Variants in EML4 observed in about 807,000 individuals in gnomAD.
The protein encoded by EML4 is echinoderm microtubule-associated protein-like 4.
Under a neutral mutation model 129.0 loss-of-function variants are expected in EML4, and 72 were observed. The ratio of observed to expected loss-of-function variants is 0.56; its 90% CI spans 0.46 to 0.68. The LOEUF (loss-of-function observed/expected upper bound fraction) is 0.68. Among genes scored for constraint, EML4 ranks in the 30% least tolerant of loss-of-function variants. EML4 has a pLI of 0.00. For synonymous variants in EML4, 532 were observed against 405.0 expected, an observed-to-expected ratio of 1.31 and a Z score of -3.77; for missense variants, 1,363 against 1,190.6, an observed-to-expected ratio of 1.14 and a Z score of -2.13.
chr2:42,241,670 G>A (rs1217726345), intron 1 of EML4, among the ~76,000 whole-genome samples: 2 of 152,168 alleles, frequency 1.3e-5, no homozygotes, highest in African/African-American at 4.8e-5. Context: ...GCGTGGCTTT[G>A]TGAAAGGATG....
At chr2:42,221,182 C>G (rs1673568466) in intron 1 of EML4, among the ~76,000 whole-genome samples, 3 of 152,112 alleles carry the variant, frequency 2.0e-5, no homozygotes, top group South Asian at 4.2e-4. Flanking sequence ...AGATGTTACC[C>G]AGTACTTTCA....
At chr2:42,284,831 T>A (rs1338251560) in intron 9 of EML4, 128 bp downstream of exon 9, 1 of 557,014 alleles carries the variant, frequency 1.8e-6, no homozygotes, top group Admixed American at 3.9e-5. Context: ...ATTTCTAGTA[T>A]AAGCATGGAA....
intron 1 of EML4, among the ~76,000 whole-genome samples, chr2:42,192,218 T>G (rs1258651007): frequency 2.0e-5 from 3 of 150,642 alleles, no homozygotes; most frequent in South Asian, 2.1e-4. Flanking sequence ...CTGGTTTTTT[T>G]TTGTTGTTTT....
At chr2:42,193,352 C>T (rs575756503) in intron 1 of EML4, among the ~76,000 whole-genome samples, 5 of 152,300 alleles carry the variant, frequency 3.3e-5, no homozygotes, top group East Asian at 1.9e-4. Context: ...TACTGCAAAA[C>T]GTGCATGCAG....
chr2:42,275,624 A>G lies in EML4; in HGVS notation c.668-5226A>G, dbSNP rs76805465. On this transcript the variant is annotated intron_variant, in intron 6 of 22. Coordinates refer to ENST00000318522, the MANE Select transcript of EML4 (RefSeq NM_019063.5). ...ATTAAACTACTCTATCACTGATCAG[A>G]TTGACTTAAGAATATTTATGTTGTT... 2.7e-3 allele frequency among the ~76,000 whole-genome samples: 408 copies of G among 152,308 alleles called. 6 individuals are homozygous for G. The highest frequency in any genetic ancestry group is 0.021 in the East Asian group (110 of 5,180).
rs1443022808 is a variant in EML4, at chr2:42,328,916, A to G, written c.2372A>G (p.Asp791Gly). ...TGGCCAGAAGGATCTGATGGGACAGATATCAATGCACTGGTGCGATCCCAC... is the reference window on the plus strand; with the variant it reads ...TGGCCAGAAGGATCTGATGGGACAGGTATCAATGCACTGGTGCGATCCCAC... The part of the protein sequence containing the change: ...GVWPEGSDGT[D>G]INALVRSHNR... Residue 791 changes from aspartate to glycine, a missense_variant, in exon 22 of 23, where the codon GAT (aspartate) becomes GGT (glycine). Physicochemically the swap from Asp to Gly is moderately conservative, Grantham distance 94. Transcript: ENST00000318522. 1.5e-5 allele frequency: 25 copies of G among 1,613,280 alleles called. No homozygotes were observed. Among genetic ancestry groups the G allele is most frequent in the Non-Finnish European group, 1.9e-5 (23 of 1,179,660 alleles).
chr2:42,312,134 C>A (rs1434023779), intron 17 of EML4, among the ~76,000 whole-genome samples: 1 of 152,128 alleles, frequency 6.6e-6, no homozygotes, highest in African/African-American at 2.4e-5. Flanking sequence ...TTTACCTTAC[C>A]TGAGTAGATA....
At chr2:42,290,561 C>A (rs1444534049) in intron 11 of EML4, among the ~76,000 whole-genome samples, 1 of 143,730 alleles carries the variant, frequency 7.0e-6, no homozygotes, top group East Asian at 2.0e-4. Flanking sequence ...GACCTTGTCT[C>A]TACCAAAAAA....
At chr2:42,318,868 C>T (rs1221429447) in intron 19 of EML4, among the ~76,000 whole-genome samples, 1 of 151,994 alleles carries the variant, frequency 6.6e-6, no homozygotes, top group African/African-American at 2.4e-5. Context: ...CCTTGCCCGG[C>T]TCACTTTTTT....
chr2:42,246,386 G>T (rs115431967), intron 2 of EML4, among the ~76,000 whole-genome samples: 1,924 of 152,264 alleles, frequency 0.013, 20 homozygotes, highest in Non-Finnish European at 0.019. Flanking sequence ...GGGGATAGGC[G>T]TGATTATGCC....
intron 19 of EML4, among the ~76,000 whole-genome samples, chr2:42,323,782 AAAC>A (rs762602647): frequency 3.5e-4 from 52 of 150,546 alleles, no homozygotes; most frequent in Admixed American, 9.2e-4. Flanking sequence ...AAAAAAAAAA[AAAC>A]AAACAAAAAT....
At chr2:42,308,517 A>T (rs566997144) in intron 17 of EML4, among the ~76,000 whole-genome samples, 113 of 152,220 alleles carry the variant, frequency 7.4e-4, no homozygotes, top group South Asian at 8.3e-4. Flanking sequence ...ACAAAAGTTA[A>T]TGCTCACATA....
intron 11 of EML4, chr2:42,289,074 A>G (rs1667472825): frequency 6.6e-6 from 1 of 152,216 alleles, no homozygotes; most frequent in Non-Finnish European, 1.5e-5. Context: ...TGTTGGGCAG[A>G]AAGATGATGT....
intron 1 of EML4, among the ~76,000 whole-genome samples, chr2:42,213,829 GT>G (rs1673020968): frequency 6.6e-6 from 1 of 152,084 alleles, no homozygotes; most frequent in Non-Finnish European, 1.5e-5. Flanking sequence ...GTACTTTTGT[GT>G]TTTCTTAAAA....
intron 1 of EML4, among the ~76,000 whole-genome samples, chr2:42,191,782 G>A (rs900604126): frequency 3.3e-5 from 5 of 152,072 alleles, no homozygotes; most frequent in South Asian, 2.1e-4. Flanking sequence ...TAGTTTTGCC[G>A]GGCGTGGTGG....
In EML4 at chr2:42,315,985, C is replaced by A. The variant is rs774572148; in HGVS notation, c.1991C>A (p.Thr664Asn). Reference sequence around the variant, plus strand: ...AGGTGGTTTGTTCTGGATGCAGAAACCAGAGATCTAGTTTCTATCCACACA... The same window carrying A: ...AGGTGGTTTGTTCTGGATGCAGAAAACAGAGATCTAGTTTCTATCCACACA... ...SGRWFVLDAE[T>N]RDLVSIHTDG... The change falls in exon 18 of 23, where the codon ACC becomes AAC. Residue 664 changes from threonine (T) to asparagine (N), a missense_variant. By Grantham distance (65) the Thr-to-Asn change is moderately conservative. Transcript: ENST00000318522. 38 of 1,613,002 alleles carry A rather than the reference C, an allele frequency of 2.4e-5. No individual in the cohort carries two copies. The highest frequency in any genetic ancestry group is 3.2e-5 in the Non-Finnish European group (38 of 1,179,424).
chr2:42,269,894 T>C (rs934619623), intron 6 of EML4, among the ~76,000 whole-genome samples: 4 of 152,132 alleles, frequency 2.6e-5, no homozygotes, highest in Non-Finnish European at 4.4e-5. Flanking sequence ...CAAAGTGATA[T>C]AGCAGAAAGG....
At chr2:42,169,730 T>G (rs567737163) in intron 1 of EML4, 94 bp downstream of exon 1, 1 of 1,424,722 alleles carries the variant, frequency 7.0e-7, no homozygotes, top group South Asian at 1.2e-5. Context: ...CGCCTGCCCC[T>G]CGGGGTGGCA....
intron 1 of EML4, among the ~76,000 whole-genome samples, chr2:42,183,277 C>T (rs1402672087): frequency 6.6e-6 from 1 of 152,188 alleles, no homozygotes; most frequent in Non-Finnish European, 1.5e-5. Context: ...TCCCTGCTCT[C>T]ATGAAGCTTG....
Sources: allele counts gnomAD v4.1 joint callset (sites outside exome capture counted in the v4.1 genomes callset), GRCh38; gene constraint gnomAD v4.1.1; transcripts MANE v1.5; gene names NCBI Gene and HGNC (gene_info 2026-07-23, HGNC 2026-07-21).